The following ULK4 variants were observed in gnomAD, a reference collection of about 807,000 sequenced individuals.
ULK4 encodes the protein unc-51 like kinase 4.
A neutral mutation model predicts 160.6 loss-of-function variants in ULK4; 133 were observed. The ratio of observed to expected loss-of-function variants is 0.83; its 90% CI spans 0.72 to 0.96. ULK4 has a LOEUF of 0.96. Ranked by LOEUF, ULK4 falls within the 40% of genes least tolerant of loss-of-function variation. The pLI is 0.00. For synonymous variants in ULK4, 534 were observed against 539.8 expected (o/e 0.99, Z 0.15); for missense variants, 1,580 against 1,499.5 (o/e 1.05, Z -0.89).
At chr3:41,643,723 G>T (rs563658882) in intron 30 of ULK4, among the ~76,000 whole-genome samples, 3 of 152,122 alleles carry the variant, frequency 2.0e-5, no homozygotes. Context: ...TTCCAGTTCT[G>T]TGAAGAAAGT....
At chr3:41,803,551 T>C (rs2040534683) in intron 19 of ULK4, among the ~76,000 whole-genome samples, 2 of 152,122 alleles carry the variant, frequency 1.3e-5, no homozygotes, top group South Asian at 2.1e-4. Context: ...TAGTTACATA[T>C]GTATACATGT....
chr3:41,417,820 T>C (rs760871927), intron 34 of ULK4, among the ~76,000 whole-genome samples: 39 of 152,182 alleles, frequency 2.6e-4, no homozygotes, highest in Non-Finnish European at 5.3e-4. Flanking sequence ...TAGTTTTTAT[T>C]CTGGCTGTTG....
At chr3:41,379,073 G>T (rs949637984) in intron 35 of ULK4, among the ~76,000 whole-genome samples, 11 of 152,132 alleles carry the variant, frequency 7.2e-5, no homozygotes, top group Middle Eastern at 3.4e-3. Flanking sequence ...GAAGCAAGGG[G>T]AGGGCTGGCA....
intron 35 of ULK4, among the ~76,000 whole-genome samples, chr3:41,291,409 C>T (rs1030380036): frequency 1.2e-3 from 8 of 6,882 alleles, no homozygotes; most frequent in African/African-American, 4.8e-3. Flanking sequence ...AAAAGAATAA[C>T]GAAAGAAGGA....
chr3:41,562,874 C>T (rs940573144), intron 32 of ULK4, among the ~76,000 whole-genome samples: 4 of 152,082 alleles, frequency 2.6e-5, no homozygotes, highest in Admixed American at 6.6e-5. Context: ...AAGGTTAATA[C>T]TGTTATGTGT....
chr3:41,958,036 C>T (rs956931532), intron 1 of ULK4, among the ~76,000 whole-genome samples: 8 of 98,544 alleles, frequency 8.1e-5, no homozygotes, highest in Admixed American at 4.0e-4. Flanking sequence ...GAAGTGAGAC[C>T]CTTTCTCAAA....
chr3:41,670,910 C>A (rs1197752811), intron 29 of ULK4, among the ~76,000 whole-genome samples: 1 of 152,086 alleles, frequency 6.6e-6, no homozygotes, highest in Non-Finnish European at 1.5e-5. Context: ...AACTCCCAAA[C>A]TATCCCAGTT....
intron 35 of ULK4, among the ~76,000 whole-genome samples, chr3:41,306,314 T>G (rs2079931695): frequency 1.7e-5 from 2 of 118,768 alleles, no homozygotes; most frequent in Admixed American, 1.6e-4. Flanking sequence ...GGAGCCCCTC[T>G]GCCCCGCCAG....
intron 35 of ULK4, among the ~76,000 whole-genome samples, chr3:41,289,057 G>A (rs920334324): frequency 5.3e-5 from 8 of 152,144 alleles, no homozygotes; most frequent in East Asian, 1.9e-4. Context: ...CAGAGCAGCC[G>A]GCCACTCCCA....
intron 35 of ULK4, among the ~76,000 whole-genome samples, chr3:41,306,593 C>G (rs912217544): frequency 1.3e-5 from 2 of 151,222 alleles, no homozygotes; most frequent in Non-Finnish European, 3.0e-5. Flanking sequence ...CCGGCCGCCC[C>G]TACTGGGAAG....
chr3:41,550,959 TA>T (rs2087039350), intron 32 of ULK4, among the ~76,000 whole-genome samples: 1 of 151,850 alleles, frequency 6.6e-6, no homozygotes, highest in South Asian at 2.1e-4. Context: ...GGAGTAAAAC[TA>T]GAAATCAATA....
chr3:41,449,798 T>G (rs2083385470), intron 34 of ULK4, among the ~76,000 whole-genome samples: 1 of 151,354 alleles, frequency 6.6e-6, no homozygotes, highest in African/African-American at 2.4e-5. Flanking sequence ...TAATTTACTT[T>G]TTTTTAAAAC....
chr3:41,375,748 A>C (rs1323071204), intron 35 of ULK4, among the ~76,000 whole-genome samples: 1 of 150,488 alleles, frequency 6.6e-6, no homozygotes, highest in Non-Finnish European at 1.5e-5. Flanking sequence ...AAATATGAAA[A>C]GCAATGGCAA....
At chr3:41,462,481 C>T (rs946468914) in intron 33 of ULK4, among the ~76,000 whole-genome samples, 5 of 152,172 alleles carry the variant, frequency 3.3e-5, no homozygotes, top group Admixed American at 3.3e-4. Flanking sequence ...TATAAAACCA[C>T]ACCTCCTTCC....
intron 17 of ULK4, among the ~76,000 whole-genome samples, chr3:41,873,004 T>C (rs998615907): frequency 6.6e-6 from 1 of 151,836 alleles, no homozygotes; most frequent in African/African-American, 2.4e-5. Context: ...AATACAAAAA[T>C]AAGCCGAGTA....
At chr3:41,358,221 T>C (rs2081065152) in intron 35 of ULK4, among the ~76,000 whole-genome samples, 1 of 152,176 alleles carries the variant, frequency 6.6e-6, no homozygotes, top group Non-Finnish European at 1.5e-5. Context: ...AGCAGGTGCA[T>C]ACTTTACAAA....
chr3:41,334,863 T>G (rs533506852), intron 35 of ULK4, among the ~76,000 whole-genome samples: 2 of 152,274 alleles, frequency 1.3e-5, no homozygotes, highest in South Asian at 2.1e-4. Flanking sequence ...GAAGTAGAGA[T>G]AAAGAAAACT....
intron 32 of ULK4, among the ~76,000 whole-genome samples, chr3:41,557,808 G>A (rs1413560741): frequency 6.6e-6 from 1 of 151,868 alleles, no homozygotes; most frequent in Non-Finnish European, 1.5e-5. Context: ...AAATAAATTG[G>A]AATATATAAT....
At chr3:41,466,108 A>G (rs1208441787) in intron 32 of ULK4, among the ~76,000 whole-genome samples, 2 of 152,198 alleles carry the variant, frequency 1.3e-5, no homozygotes, top group East Asian at 1.9e-4. Context: ...ATCTTTGGCC[A>G]CTAAGAGCTC....
Sources: gnomAD v4.1 joint callset for allele counts (sites outside exome capture counted in the v4.1 genomes callset) on GRCh38, gnomAD v4.1.1 for gene constraint, MANE v1.5 for transcripts, NCBI Gene and HGNC (gene_info 2026-07-23, HGNC 2026-07-21) for gene names.